The following FGF14 variants were observed in gnomAD, a reference collection of about 807,000 sequenced individuals.
FGF14 encodes fibroblast growth factor 14.
Under a neutral mutation model 25.5 loss-of-function variants are expected in FGF14, and 5 were observed. The observed-to-expected ratio is 0.20, with a 90% CI of 0.10 to 0.41. FGF14 has a LOEUF of 0.41. Ranked by LOEUF, FGF14 falls within the 10% of genes least tolerant of loss-of-function variation. FGF14 has a pLI of 1.00. For synonymous variants in FGF14, 138 were observed against 118.3 expected, an observed-to-expected ratio of 1.17 and a Z score of -1.08; for missense variants, 222 against 320.1, an observed-to-expected ratio of 0.69 and a Z score of 2.34.
intron 1 of FGF14, among the ~76,000 whole-genome samples, chr13:102,391,491 T>G (rs924540688): frequency 2.0e-5 from 3 of 152,234 alleles, no homozygotes; most frequent in East Asian, 3.8e-4. Flanking sequence ...TGTAAAATTT[T>G]TATCCTATAT....
chr13:101,996,907 A>C (rs72662483), intron 1 of FGF14, among the ~76,000 whole-genome samples: 7,729 of 152,302 alleles, frequency 0.051, 268 homozygotes, highest in Non-Finnish European at 0.08. Context: ...TTATAAAACA[A>C]GTGTAGGAAG....
At chr13:102,059,559 A>G (rs61966544) in intron 1 of FGF14, among the ~76,000 whole-genome samples, 117 of 152,358 alleles carry the variant, frequency 7.7e-4, no homozygotes, top group Non-Finnish European at 1.5e-3. Flanking sequence ...CCAGAATAAT[A>G]AAAGATTAAA....
chr13:101,857,702 G>A (rs2044197742), intron 3 of FGF14, among the ~76,000 whole-genome samples: 1 of 151,992 alleles, frequency 6.6e-6, no homozygotes, highest in African/African-American at 2.4e-5. Flanking sequence ...GACTGCATCT[G>A]CGTCTATCTT....
intron 1 of FGF14, among the ~76,000 whole-genome samples, chr13:102,174,189 C>G (rs2048351816): frequency 6.7e-6 from 1 of 148,512 alleles, no homozygotes; most frequent in Admixed American, 6.8e-5. Context: ...GGCTGGAATG[C>G]AGTGGCGCGA....
intron 1 of FGF14, among the ~76,000 whole-genome samples, chr13:102,239,642 C>T (rs920983971): frequency 3.9e-5 from 6 of 152,114 alleles, no homozygotes; most frequent in Admixed American, 6.5e-5. Flanking sequence ...ATGCCCCTAA[C>T]CAAAAGTGGT....
chr13:102,245,367 A>G (rs2051813246), intron 1 of FGF14, among the ~76,000 whole-genome samples: 1 of 152,100 alleles, frequency 6.6e-6, no homozygotes, highest in South Asian at 2.1e-4. Context: ...TCTTTAAAGT[A>G]TTTACGATGA....
At chr13:102,350,038 T>A (rs540885989) in intron 1 of FGF14, among the ~76,000 whole-genome samples, 1 of 152,342 alleles carries the variant, frequency 6.6e-6, no homozygotes, top group Admixed American at 6.5e-5. Context: ...GAATATGGAC[T>A]ATGGTGACCT....
chr13:102,118,783 T>C (rs1446429744), intron 1 of FGF14, among the ~76,000 whole-genome samples: 1 of 152,212 alleles, frequency 6.6e-6, no homozygotes, highest in Non-Finnish European at 1.5e-5. Flanking sequence ...AGATATTTCA[T>C]ATTTGTTTAC....
At chr13:102,049,098 A>T (rs1164378016) in intron 1 of FGF14, among the ~76,000 whole-genome samples, 1 of 151,770 alleles carries the variant, frequency 6.6e-6, no homozygotes, top group African/African-American at 2.4e-5. Flanking sequence ...AAGAAACTTC[A>T]ATCAACCATT....
At chr13:102,067,392 T>C (rs1456787097) in intron 1 of FGF14, among the ~76,000 whole-genome samples, 1 of 151,942 alleles carries the variant, frequency 6.6e-6, no homozygotes, top group Non-Finnish European at 1.5e-5. Context: ...ACATTGATAA[T>C]AGTGATGAAT....
intron 1 of FGF14, among the ~76,000 whole-genome samples, chr13:102,194,879 T>C (rs1003149013): frequency 6.6e-6 from 1 of 152,114 alleles, no homozygotes; most frequent in Non-Finnish European, 1.5e-5. Flanking sequence ...AAGTGGCTCA[T>C]CACATACAGG....
intron 3 of FGF14, among the ~76,000 whole-genome samples, chr13:101,778,079 G>A (rs992797759): frequency 6.6e-6 from 1 of 152,134 alleles, no homozygotes; most frequent in African/African-American, 2.4e-5. Context: ...AGAGTGCCTG[G>A]TAAATCAAAT....
chr13:101,855,314 G>C (rs553792634), intron 3 of FGF14, among the ~76,000 whole-genome samples: 50 of 152,030 alleles, frequency 3.3e-4, no homozygotes, highest in African/African-American at 1.1e-3. Flanking sequence ...AATCAAGAAT[G>C]AAATATATCA....
intron 3 of FGF14, among the ~76,000 whole-genome samples, chr13:101,857,354 C>A (rs995458394): frequency 2.0e-5 from 3 of 151,944 alleles, no homozygotes; most frequent in Non-Finnish European, 4.4e-5. Context: ...CAAATAGCAA[C>A]CAATTATGGT....
chr13:102,118,135 G>A (rs1388257064), intron 1 of FGF14, among the ~76,000 whole-genome samples: 1 of 151,998 alleles, frequency 6.6e-6, no homozygotes, highest in Non-Finnish European at 1.5e-5. Flanking sequence ...GTGAAATTTT[G>A]ACAGTAGTTT....
At position 101,720,682 on chromosome 13, in the gene FGF14, CTA is replaced by C. The variant is rs1309093242; in HGVS notation, c.*2147_*2148del. ...TATAGTTGGCCACATATTATGGGAT[CTA>C]TGTTTTCTGAAAATAATTGGTTAAT... On this transcript the variant is annotated 3_prime_UTR_variant, in exon 5 of 5. Transcript: ENST00000376143. The C allele has an allele frequency of 3.3e-5, 5 of 151,942 alleles. No homozygotes were observed. Among genetic ancestry groups the C allele is most frequent in the East Asian group, 3.9e-4 (2 of 5,152 alleles). 9.4% of individuals were successfully genotyped at this position (151,942 alleles called of 1,614,324 possible).
chr13:101,751,395 G>A (rs1466154638), intron 3 of FGF14, among the ~76,000 whole-genome samples: 2 of 152,138 alleles, frequency 1.3e-5, no homozygotes, highest in African/African-American at 2.4e-5. Context: ...AAAATTAAAA[G>A]AGAAATTTGA....
chr13:101,905,477 TCA>T (rs2032123436), intron 1 of FGF14, among the ~76,000 whole-genome samples: 1 of 152,018 alleles, frequency 6.6e-6, no homozygotes, highest in African/African-American at 2.4e-5. Context: ...TCGCGTGTTC[TCA>T]CTCATAAGTG....
intron 1 of FGF14, among the ~76,000 whole-genome samples, chr13:102,267,318 A>G (rs1195640697): frequency 1.3e-5 from 2 of 152,166 alleles, no homozygotes; most frequent in African/African-American, 4.8e-5. Flanking sequence ...CTGTGCTTAG[A>G]ACAGTGTGGT....
Sources: allele counts gnomAD v4.1 joint callset (sites outside exome capture counted in the v4.1 genomes callset), GRCh38; gene constraint gnomAD v4.1.1; transcripts MANE v1.5; gene names NCBI Gene and HGNC (gene_info 2026-07-23, HGNC 2026-07-21).